The following NUMA1 variants were observed in gnomAD, a reference collection of about 807,000 sequenced individuals.
The protein encoded by NUMA1 is SP-H antigen.
In NUMA1, 62 loss-of-function variants were observed where a neutral mutation model predicts 237.1. That is an observed-to-expected ratio of 0.26 (90% CI 0.21 to 0.32). The LOEUF (loss-of-function observed/expected upper bound fraction) is 0.32, where lower values mean the gene tolerates loss of function less well. Ranked by LOEUF, NUMA1 falls within the 10% of genes least tolerant of loss-of-function variation. The pLI is 1.00. For missense variants in NUMA1, 2,533 were observed against 2,666.5 expected, an observed-to-expected ratio of 0.95 and a Z score of 1.10; for synonymous variants, 1,028 against 1,066.1, an observed-to-expected ratio of 0.96 and a Z score of 0.70.
At chr11:72,032,779 C>A (rs943037456) in intron 3 of NUMA1, among the ~76,000 whole-genome samples, 11 of 152,274 alleles carry the variant, frequency 7.2e-5, no homozygotes, top group African/African-American at 2.6e-4. Context: ...TCTTAAAATA[C>A]CCTGTAACAG....
intron 2 of NUMA1, among the ~76,000 whole-genome samples, chr11:72,058,736 T>C (rs911060313): frequency 1.2e-4 from 18 of 152,118 alleles, no homozygotes; most frequent in African/African-American, 4.3e-4. Context: ...AGACAAGACA[T>C]GTGATAGTTA....
Position 72,024,347 on chromosome 11 carries a change from G to A in NUMA1, c.135C>T (p.Gly45=). Residue 45 remains glycine, a synonymous_variant, in exon 5 of 27, where the codon GGC becomes GGT. Transcript: ENST00000393695. ...IFIKIIDRIH[G]TEEGQQILKQ... Reference sequence around the variant, plus strand: ...TCAAGATTTGCTGTCCCTCTTCAGTGCCATGGCTAGAAAAAGAGCAAGTAT... The same window carrying A: ...TCAAGATTTGCTGTCCCTCTTCAGTACCATGGCTAGAAAAAGAGCAAGTAT... The A allele has an allele frequency of 1.2e-6, 2 of 1,614,080 alleles. No individual in the cohort carries two copies.
chr11:72,055,913 C>T (rs553265088), intron 2 of NUMA1, among the ~76,000 whole-genome samples: 4 of 151,912 alleles, frequency 2.6e-5, no homozygotes, highest in Admixed American at 6.6e-5. Flanking sequence ...GCCAGGAGTT[C>T]GAGATCAGCC....
intron 2 of NUMA1, among the ~76,000 whole-genome samples, chr11:72,042,454 A>G (rs1941741525): frequency 6.6e-6 from 1 of 152,226 alleles, no homozygotes. Flanking sequence ...AATTCTAACC[A>G]GTTTAGAATA....
chr11:72,049,556 T>TTA, intron 2 of NUMA1: 1 of 21,618 alleles, frequency 4.6e-5, no homozygotes, highest in Admixed American at 3.2e-4. Flanking sequence ...AAAAAAATAA[T>TTA]AATAATATAT....
At chr11:72,033,293 A>G (rs961367606) in intron 3 of NUMA1, among the ~76,000 whole-genome samples, 1 of 151,946 alleles carries the variant, frequency 6.6e-6, no homozygotes, top group East Asian at 1.9e-4. Context: ...CCCAAGTAGC[A>G]GGGACTACAG....
rs755905174 is a variant in NUMA1, at chr11:72,014,712, C to G, written c.2791G>C (p.Glu931Gln). The G allele has an allele frequency of 8.7e-6, 14 of 1,613,978 alleles. No individual in the cohort carries two copies. Among genetic ancestry groups the G allele is most frequent in the African/African-American group, 1.3e-5 (1 of 75,072 alleles). The change falls in exon 15 of 27, where the codon GAA (glutamate) becomes CAA (glutamine). Residue 931 changes from glutamate (E) to glutamine (Q), a missense_variant. Coordinates refer to ENST00000393695, the MANE Select transcript of NUMA1 (RefSeq NM_006185.4). The surrounding 1 kb of genome is among the most constrained non-coding windows in gnomAD (Gnocchi z 4.6). The stretch of plus-strand genomic sequence containing the variant: ...TTGACTAACTCCCGGGAGGCTGTTT[C>G]CTGCTGCTCACCTGCCTTGCGCACC... Reference protein sequence around the residue: ...TLVRKAGEQQETASRELVKEP... With the variant: ...TLVRKAGEQQQTASRELVKEP...
intron 26 of NUMA1, 61 bp from the exon 27 acceptor site, chr11:72,003,599 G>A: frequency 6.2e-7 from 1 of 1,605,416 alleles, no homozygotes; most frequent in South Asian, 1.1e-5. Context: ...GCACCCACTG[G>A]CTGGGAAGAT....
At chr11:72,030,330 T>A (rs1160025794) in intron 3 of NUMA1, among the ~76,000 whole-genome samples, 2 of 141,396 alleles carry the variant, frequency 1.4e-5, no homozygotes, top group African/African-American at 5.4e-5. Flanking sequence ...AGCAAGACCC[T>A]GTCTCCAAAG....
chr11:72,024,154 A>G (rs1031859805), intron 5 of NUMA1, 120 bp downstream of exon 5: 1 of 774,894 alleles, frequency 1.3e-6, no homozygotes, highest in Non-Finnish European at 2.2e-6. Flanking sequence ...CTTTGTGTTA[A>G]AGAGTGGGGA....
chr11:72,008,352 A>C, intron 20 of NUMA1: 1 of 408,206 alleles, frequency 2.4e-6, no homozygotes, highest in South Asian at 2.2e-5. Context: ...ATCAAGTCTT[A>C]ATAGTCGGTC....
chr11:72,054,118 T>C (rs2136067383), intron 2 of NUMA1, among the ~76,000 whole-genome samples: 1 of 152,272 alleles, frequency 6.6e-6, no homozygotes, highest in Non-Finnish European at 1.5e-5. Context: ...CACCTCTAAA[T>C]TTCCTAGCTT....
In NUMA1 at chr11:72,023,087, C is replaced by G. The variant is rs542373571; in HGVS notation, c.269G>C (p.Gly90Ala). 64 of 1,613,856 alleles carry G rather than the reference C, an allele frequency of 4.0e-5. No homozygotes were observed. In the South Asian group the frequency reaches 7.0e-4, roughly 18 times the overall value. Reference sequence around the variant, plus strand: ...TACCTTCGCCAGTTCCAGCTCTGATCCCTCTAGCACCTTCTGTGCAGATAC... The same window carrying G: ...TACCTTCGCCAGTTCCAGCTCTGATGCCTCTAGCACCTTCTGTGCAGATAC... ...CLVSAQKVLE[G>A]SELELAKMTM... The change falls in exon 6 of 27, where the codon GGA (glycine) becomes GCA (alanine). Residue 90 changes from glycine (G) to alanine (A), a missense_variant. Around this residue, in one of 3 missense-constraint regions of NUMA1, gnomAD observed 1,414 missense variants for 1,508.1 expected, o/e 0.94. Transcript: ENST00000393695.
chr11:72,021,041 A>C, intron 8 of NUMA1, 163 bp downstream of exon 8: 1 of 628,366 alleles, frequency 1.6e-6, no homozygotes, highest in South Asian at 1.9e-5. Flanking sequence ...ATGATACAAC[A>C]TGGCCCAGAA....
intron 3 of NUMA1, 134 bp downstream of exon 3, chr11:72,035,768 G>T: frequency 2.5e-6 from 2 of 797,874 alleles, no homozygotes; most frequent in Non-Finnish European, 4.3e-6. Flanking sequence ...GCATTTCCAT[G>T]CTGTCTAAAG....
chr11:72,049,583 A>ATATATACT (rs71052844), intron 2 of NUMA1: 18 of 22,554 alleles, frequency 8.0e-4, no homozygotes, highest in African/African-American at 1.9e-3. Context: ...ATATATATAT[A>ATATATACT]GTGTGTGTGT....
chr11:72,004,159 G>A (rs1471809572), intron 25 of NUMA1, 60 bp from the exon 26 acceptor site: 6 of 1,602,726 alleles, frequency 3.7e-6, no homozygotes, highest in African/African-American at 2.7e-5. Context: ...CCAGCGTGCT[G>A]TGCCACGCTC....
At chr11:72,040,353 G>A (rs1414427163) in intron 2 of NUMA1, among the ~76,000 whole-genome samples, 1 of 151,966 alleles carries the variant, frequency 6.6e-6, no homozygotes, top group Non-Finnish European at 1.5e-5. Context: ...TCTCTGGAGG[G>A]TCCAGATCAG....
chr11:72,080,202 A>C (rs1458192530), intron 1 of NUMA1: 12 of 131,298 alleles, frequency 9.1e-5, no homozygotes, highest in East Asian at 2.3e-4. Context: ...TATACCCCCG[A>C]CCCCAGTCAC....
Sources: gnomAD v4.1 joint callset for allele counts (sites outside exome capture counted in the v4.1 genomes callset) on GRCh38, gnomAD v4.1.1 for gene constraint, gnomAD v4.1.1 regional missense constraint, Gnocchi (gnomAD v3.1) non-coding constraint, MANE v1.5 for transcripts, NCBI Gene and HGNC (gene_info 2026-07-23, HGNC 2026-07-21) for gene names.